Variants in ARHGAP6 observed in about 807,000 individuals in gnomAD.
The protein encoded by ARHGAP6 is Rho GTPase activating protein 6.
Under a neutral mutation model 55.7 loss-of-function variants are expected in ARHGAP6, and 16 were observed. That is an observed-to-expected ratio of 0.29 (90% CI 0.19 to 0.44). ARHGAP6 has a LOEUF of 0.44. ARHGAP6 is among the 20% of genes least tolerant of loss of function. ARHGAP6 has a pLI of 1.00. For missense variants in ARHGAP6, 698 were observed against 808.9 expected (o/e 0.86, Z 1.66); for synonymous variants, 382 against 360.9 (o/e 1.06, Z -0.66).
chrX:11,368,885 G>A (rs2147705387), intron 1 of ARHGAP6, among the ~76,000 whole-genome samples: 1 of 111,535 alleles, frequency 9.0e-6, no homozygotes, highest in East Asian at 2.8e-4. Context: ...TGTCTCTCTG[G>A]TTTCATGTTT....
chrX:11,410,584 T>A (rs1008691731), intron 1 of ARHGAP6, among the ~76,000 whole-genome samples: 1 of 112,539 alleles, frequency 8.9e-6, no homozygotes. Context: ...TCCGTGAATG[T>A]ACTAAAACCC....
At chrX:11,362,399 G>A (rs748350197) in intron 1 of ARHGAP6, among the ~76,000 whole-genome samples, 105 of 109,615 alleles carry the variant, frequency 9.6e-4, no homozygotes, top group African/African-American at 1.7e-3. Context: ...GTAAACTATC[G>A]CAAGAACAAA....
At chrX:11,278,121 A>G (rs2047802344) in intron 1 of ARHGAP6, among the ~76,000 whole-genome samples, 1 of 111,666 alleles carries the variant, frequency 9.0e-6, no homozygotes, top group Admixed American at 9.5e-5. Context: ...GGGTTGAGAA[A>G]TGGAAGAAGC....
intron 1 of ARHGAP6, among the ~76,000 whole-genome samples, chrX:11,442,903 G>T (rs1399118436): frequency 8.9e-6 from 1 of 112,195 alleles, no homozygotes; most frequent in African/African-American, 3.2e-5. Context: ...TAGAAAACTG[G>T]CTGAGAGCAA....
intron 1 of ARHGAP6, among the ~76,000 whole-genome samples, chrX:11,526,738 C>A (rs914462686): frequency 3.6e-5 from 4 of 111,710 alleles, no homozygotes; most frequent in Non-Finnish European, 7.5e-5. Flanking sequence ...AATAATTTAT[C>A]TGAAGGTATG....
chrX:11,665,003 C>A lies in ARHGAP6; in HGVS notation c.-175G>T. 2.4e-6 allele frequency: 1 copy of A among 419,753 alleles called. No homozygotes were observed. The highest frequency in any genetic ancestry group is 3.9e-6 in the Non-Finnish European group (1 of 254,703). 34.6% of individuals were successfully genotyped at this position (419,753 alleles called of 1,213,427 possible). ...CGCGCCGCCGGTGCGCTCCAAGTGC[C>A]CCGGCGGCGGCAGGAGCAGCAGATC... On this transcript the variant is annotated 5_prime_UTR_variant, in exon 1 of 13. Transcript: ENST00000337414.
chrX:11,415,688 G>A (rs5978434), intron 1 of ARHGAP6, among the ~76,000 whole-genome samples: 15,638 of 111,359 alleles, frequency 0.14, 1,081 homozygotes, highest in Middle Eastern at 0.27. Flanking sequence ...AGACAATAGT[G>A]TGTCAAATTC....
chrX:11,385,642 G>A (rs1409672067), intron 1 of ARHGAP6, among the ~76,000 whole-genome samples: 2 of 111,796 alleles, frequency 1.8e-5, no homozygotes, highest in African/African-American at 6.5e-5. Flanking sequence ...AATGATTTAA[G>A]TTTGCAATCT....
intron 1 of ARHGAP6, among the ~76,000 whole-genome samples, chrX:11,420,975 G>C (rs1445556856): frequency 1.8e-5 from 2 of 112,115 alleles, no homozygotes; most frequent in Non-Finnish European, 3.8e-5. Flanking sequence ...TGACATGAGA[G>C]AGAAGACAGT....
At chrX:11,433,755 C>T (rs2049962146) in intron 1 of ARHGAP6, among the ~76,000 whole-genome samples, 1 of 112,482 alleles carries the variant, frequency 8.9e-6, no homozygotes, top group Non-Finnish European at 1.9e-5. Context: ...ACCTACATCA[C>T]AGGCTCAACT....
chrX:11,189,013 C>T (rs773142332), intron 3 of ARHGAP6, 29 bp from the exon 4 acceptor site: 3 of 1,197,345 alleles, frequency 2.5e-6, no homozygotes, highest in South Asian at 1.8e-5. Context: ...CATTCACTTT[C>T]AGAGACTGAC....
At chrX:11,495,302 G>A (rs775101502) in intron 1 of ARHGAP6, among the ~76,000 whole-genome samples, 2 of 111,276 alleles carry the variant, frequency 1.8e-5, no homozygotes, top group South Asian at 3.9e-4. Flanking sequence ...CTCCTACTGA[G>A]GGCAAAAATG....
intron 10 of ARHGAP6, among the ~76,000 whole-genome samples, chrX:11,152,995 A>G (rs1379136436): frequency 8.9e-6 from 1 of 111,889 alleles, no homozygotes; most frequent in Non-Finnish European, 1.9e-5. Context: ...GTGGGCCAGC[A>G]CCTATTGTTT....
At chrX:11,559,759 C>T (rs1372784963) in intron 1 of ARHGAP6, among the ~76,000 whole-genome samples, 1 of 108,851 alleles carries the variant, frequency 9.2e-6, no homozygotes, top group African/African-American at 3.3e-5. Flanking sequence ...AACCCCATCT[C>T]TACTAAAAAT....
At chrX:11,309,437 G>C (rs1375690576) in intron 1 of ARHGAP6, among the ~76,000 whole-genome samples, 8 of 110,768 alleles carry the variant, frequency 7.2e-5, no homozygotes. Flanking sequence ...AGAGGATCTC[G>C]GAGGGAGAGA....
intron 1 of ARHGAP6, among the ~76,000 whole-genome samples, chrX:11,299,654 C>T (rs759949751): frequency 8.9e-6 from 1 of 112,236 alleles, no homozygotes; most frequent in African/African-American, 3.2e-5. Flanking sequence ...ACTTAATCTA[C>T]ATCCATAAAG....
At chrX:11,421,254 T>C (rs944328601) in intron 1 of ARHGAP6, among the ~76,000 whole-genome samples, 15 of 112,752 alleles carry the variant, frequency 1.3e-4, no homozygotes, top group African/African-American at 4.5e-4. Flanking sequence ...ACATTTAAGA[T>C]TTTGATATCT....
intron 2 of ARHGAP6, among the ~76,000 whole-genome samples, chrX:11,226,065 T>C: frequency 9.1e-6 from 1 of 109,739 alleles, no homozygotes; most frequent in Non-Finnish European, 1.9e-5. Context: ...GTTTGTTACA[T>C]TGTATACATG....
intron 9 of ARHGAP6, among the ~76,000 whole-genome samples, chrX:11,167,946 C>T (rs1351614398): frequency 8.9e-6 from 1 of 111,992 alleles, no homozygotes; most frequent in African/African-American, 3.3e-5. Flanking sequence ...AGGGACAGTG[C>T]TTCAGAGACA....
Sources: gnomAD v4.1 joint callset for allele counts (sites outside exome capture counted in the v4.1 genomes callset) on GRCh38, gnomAD v4.1.1 for gene constraint, MANE v1.5 for transcripts, NCBI Gene and HGNC (gene_info 2026-07-23, HGNC 2026-07-21) for gene names.